The following NAALADL2 variants were observed in gnomAD, a reference collection of about 807,000 sequenced individuals.
NAALADL2 encodes the protein inactive N-acetylated-alpha-linked acidic dipeptidase-like protein 2.
In NAALADL2, 76 loss-of-function variants were observed where a neutral mutation model predicts 87.2. The ratio of observed to expected loss-of-function variants is 0.87; its 90% CI spans 0.72 to 1.05. NAALADL2 has a LOEUF of 1.05. NAALADL2 is among the 50% of genes least tolerant of loss of function. NAALADL2 has a pLI of 0.00. For synonymous variants in NAALADL2, 354 were observed against 331.0 expected, an observed-to-expected ratio of 1.07 and a Z score of -0.75; for missense variants, 1,089 against 945.8, an observed-to-expected ratio of 1.15 and a Z score of -1.99.
chr3:174,618,797 T>C (rs926787061), intron 2 of NAALADL2, among the ~76,000 whole-genome samples: 5 of 151,970 alleles, frequency 3.3e-5, no homozygotes, highest in African/African-American at 1.2e-4. Flanking sequence ...CTTAATTTTA[T>C]AAGTGTTATT....
chr3:175,504,785 A>C (rs972003088), intron 9 of NAALADL2, among the ~76,000 whole-genome samples: 3 of 152,164 alleles, frequency 2.0e-5, no homozygotes, highest in African/African-American at 4.8e-5. Context: ...CAAAATCTCT[A>C]AATGAAGATA....
intron 1 of NAALADL2, among the ~76,000 whole-genome samples, chr3:174,988,193 A>G (rs1746238694): frequency 6.6e-6 from 1 of 152,162 alleles, no homozygotes; most frequent in Non-Finnish European, 1.5e-5. Flanking sequence ...GAGCCACAAG[A>G]AACTCTGTGG....
chr3:174,836,426 T>A (rs923928260), intron 3 of NAALADL2, among the ~76,000 whole-genome samples: 1 of 152,110 alleles, frequency 6.6e-6, no homozygotes, highest in African/African-American at 2.4e-5. Flanking sequence ...GTGAATGTGC[T>A]TAATAATATT....
rs57389382 is a variant in NAALADL2 at position 175,667,262 on chromosome 3, A to AAAGG, written c.1896+39885_1896+39888dup. 2.0e-3 allele frequency among the ~76,000 whole-genome samples: 292 copies of AAAGG among 144,250 alleles called. 8 individuals carry two copies. The highest frequency in any genetic ancestry group is 7.6e-3 in the African/African-American group (274 of 35,898). The allele number at this position is 144,250 out of a possible 152,430, so 94.6% of individuals were successfully genotyped here. On this transcript the variant is annotated intron_variant, in intron 11 of 13. Transcript: ENST00000454872. ...AAGAAAAAGAAAGAAAGAAAGAAAGAAAGGAAGGAAGGGATGGGGATCTGA... is the reference window on the plus strand; with the variant it reads ...AAGAAAAAGAAAGAAAGAAAGAAAGAAAGGAAGGAAGGAAGGGATGGGGATCTGA...
intron 2 of NAALADL2, among the ~76,000 whole-genome samples, chr3:174,635,201 GTA>G (rs1372899493): frequency 5.9e-5 from 9 of 152,056 alleles, no homozygotes; most frequent in Non-Finnish European, 1.2e-4. Context: ...TGAACATCAG[GTA>G]TATATTCATT....
At chr3:174,748,132 A>G in intron 3 of NAALADL2, among the ~76,000 whole-genome samples, 1 of 152,052 alleles carries the variant, frequency 6.6e-6, no homozygotes, top group Middle Eastern at 3.4e-3. Flanking sequence ...AGACACAGGG[A>G]GGGGAACAAC....
At chr3:175,025,229 G>A (rs1430907538) in intron 1 of NAALADL2, among the ~76,000 whole-genome samples, 2 of 151,950 alleles carry the variant, frequency 1.3e-5, no homozygotes, top group African/African-American at 4.8e-5. Context: ...TTACGGTTGA[G>A]CAGCAGGCAT....
chr3:175,004,129 A>G (rs1748669923), intron 1 of NAALADL2, among the ~76,000 whole-genome samples: 1 of 152,126 alleles, frequency 6.6e-6, no homozygotes, highest in African/African-American at 2.4e-5. Context: ...TAATCCCAGC[A>G]CTGGGAGGCC....
intron 1 of NAALADL2, among the ~76,000 whole-genome samples, chr3:174,931,834 A>G (rs1358464563): frequency 1.3e-5 from 2 of 152,192 alleles, no homozygotes; most frequent in Non-Finnish European, 2.9e-5. Flanking sequence ...ATTGAGACCT[A>G]AACAAATTGT....
At chr3:174,690,691 T>C (rs906849956) in intron 2 of NAALADL2, among the ~76,000 whole-genome samples, 2 of 152,146 alleles carry the variant, frequency 1.3e-5, no homozygotes, top group African/African-American at 2.4e-5. Context: ...TTTTATTTAA[T>C]TTTGTGTGTT....
chr3:175,371,062 TG>T (rs1243494348), intron 5 of NAALADL2, among the ~76,000 whole-genome samples: 2 of 152,270 alleles, frequency 1.3e-5, no homozygotes, highest in East Asian at 1.9e-4. Flanking sequence ...TTGAACAGTA[TG>T]GAAAAAAACT....
chr3:174,778,271 C>A (rs1715461941), intron 3 of NAALADL2, among the ~76,000 whole-genome samples: 1 of 152,006 alleles, frequency 6.6e-6, no homozygotes, highest in African/African-American at 2.4e-5. Context: ...GATAAAACTT[C>A]TCATCATATA....
At chr3:174,893,000 T>C (rs1373472855) in intron 1 of NAALADL2, among the ~76,000 whole-genome samples, 1 of 151,088 alleles carries the variant, frequency 6.6e-6, no homozygotes, top group African/African-American at 2.4e-5. Context: ...CTCAACACAT[T>C]TAATAATCAC....
chr3:174,844,944 T>C (rs944578997), intron 3 of NAALADL2, among the ~76,000 whole-genome samples: 1 of 141,380 alleles, frequency 7.1e-6, no homozygotes, highest in African/African-American at 2.6e-5. Flanking sequence ...GGCAGAAAGC[T>C]CTCTCTGCAG....
intron 3 of NAALADL2, among the ~76,000 whole-genome samples, chr3:174,820,220 C>T (rs1400358789): frequency 2.0e-5 from 3 of 152,132 alleles, no homozygotes; most frequent in Non-Finnish European, 4.4e-5. Context: ...AAGAGTCTCA[C>T]AGCAAAATTT....
At chr3:175,638,344 A>G (rs1371796740) in intron 11 of NAALADL2, among the ~76,000 whole-genome samples, 2 of 152,152 alleles carry the variant, frequency 1.3e-5, no homozygotes, top group Admixed American at 6.5e-5. Flanking sequence ...TTCTTCTTCT[A>G]TCTTCTTCAA....
At chr3:174,530,884 G>A (rs912134580) in intron 1 of NAALADL2, among the ~76,000 whole-genome samples, 1 of 152,158 alleles carries the variant, frequency 6.6e-6, no homozygotes, top group Non-Finnish European at 1.5e-5. Flanking sequence ...CAGAAAGTAG[G>A]AAGTGTGACT....
intron 1 of NAALADL2, among the ~76,000 whole-genome samples, chr3:174,909,353 C>T (rs1277123086): frequency 6.6e-6 from 1 of 152,070 alleles, no homozygotes; most frequent in Non-Finnish European, 1.5e-5. Flanking sequence ...CAAGACAGTG[C>T]CATTGCACTC....
intron 2 of NAALADL2, among the ~76,000 whole-genome samples, chr3:174,723,243 G>A (rs1026133440): frequency 1.3e-5 from 2 of 151,844 alleles, no homozygotes; most frequent in Non-Finnish European, 2.9e-5. Flanking sequence ...AATTCCTAAA[G>A]GTGAATTAAG....
Sources: allele counts gnomAD v4.1 joint callset (sites outside exome capture counted in the v4.1 genomes callset), GRCh38; gene constraint gnomAD v4.1.1; transcripts MANE v1.5; gene names NCBI Gene and HGNC (gene_info 2026-07-23, HGNC 2026-07-21).